The following ACBD6 variants were observed in gnomAD, a reference collection of about 807,000 sequenced individuals.
ACBD6 encodes the protein acyl-CoA-binding domain-containing protein 6.
ACBD6 carries 28 observed loss-of-function variants against 37.2 expected under a neutral mutation model. The observed-to-expected ratio is 0.75, with a 90% CI of 0.56 to 1.03. The LOEUF (loss-of-function observed/expected upper bound fraction) is 1.03, where lower values mean the gene tolerates loss of function less well. ACBD6 is among the 50% of genes least tolerant of loss of function. ACBD6 has a pLI of 0.00. For synonymous variants in ACBD6, 113 were observed against 126.8 expected (o/e 0.89, Z 0.73); for missense variants, 340 against 337.4 (o/e 1.01, Z -0.06).
In ACBD6 at chr1:180,362,157, G is replaced by C. The variant is rs970093425; in HGVS notation, c.663+35359C>G. On this transcript the variant is annotated intron_variant, in intron 6 of 7. Coordinates refer to ENST00000367595, the MANE Select transcript of ACBD6 (RefSeq NM_032360.4). ...CCAAATGAAGAGAAAGAGAGGGAGAGAGGGACAAAAGAAACTGTGCTAAGG... is the reference window on the plus strand; with the variant it reads ...CCAAATGAAGAGAAAGAGAGGGAGACAGGGACAAAAGAAACTGTGCTAAGG... 2.6e-5 allele frequency among the ~76,000 whole-genome samples: 4 copies of C among 152,212 alleles called. No homozygotes were observed. The East Asian group carries it at 7.7e-4, about 29-fold the overall frequency.
intron 3 of ACBD6, among the ~76,000 whole-genome samples, chr1:180,452,781 A>C (rs1649764302): frequency 6.6e-6 from 1 of 152,222 alleles, no homozygotes; most frequent in South Asian, 2.1e-4. Flanking sequence ...GAATACTATA[A>C]ACACCTCTAC....
At chr1:180,325,637 G>A (rs535959536) in intron 6 of ACBD6, among the ~76,000 whole-genome samples, 2 of 152,220 alleles carry the variant, frequency 1.3e-5, no homozygotes, top group Admixed American at 6.5e-5. Context: ...AGTCATTGGC[G>A]TTTAAACATT....
chr1:180,334,265 C>A (rs574625055), intron 6 of ACBD6, among the ~76,000 whole-genome samples: 3 of 152,192 alleles, frequency 2.0e-5, no homozygotes, highest in Admixed American at 6.5e-5. Flanking sequence ...AGGCACCCCC[C>A]AGCAGGGGCA....
intron 7 of ACBD6, among the ~76,000 whole-genome samples, chr1:180,297,151 T>G (rs1290610962): frequency 6.6e-6 from 1 of 152,188 alleles, no homozygotes; most frequent in East Asian, 1.9e-4. Flanking sequence ...TAAAGTAGTT[T>G]CTCTGGTTCC....
chr1:180,414,883 A>C (rs1558289636), intron 4 of ACBD6, among the ~76,000 whole-genome samples: 1 of 152,226 alleles, frequency 6.6e-6, no homozygotes, highest in Non-Finnish European at 1.5e-5. Flanking sequence ...GTCAAACCCC[A>C]GAAAAGAGAA....
intron 4 of ACBD6, among the ~76,000 whole-genome samples, chr1:180,420,177 T>C (rs1012865898): frequency 2.0e-5 from 3 of 152,202 alleles, no homozygotes; most frequent in Non-Finnish European, 4.4e-5. Flanking sequence ...TCCTCTAGTG[T>C]GGTGTCTATT....
At chr1:180,497,051 TAG>T (rs1285092951) in intron 1 of ACBD6, among the ~76,000 whole-genome samples, 1 of 152,216 alleles carries the variant, frequency 6.6e-6, no homozygotes, top group African/African-American at 2.4e-5. Context: ...AAATGCTAAA[TAG>T]AGTCTGGGCT....
chr1:180,273,717 T>C (rs1648832022), intron 11 of ACBD6: 1 of 194,376 alleles, frequency 5.1e-6, no homozygotes, highest in South Asian at 9.9e-5. Context: ...TACAGATGTC[T>C]AAGAGTGGTC....
chr1:180,386,278 T>C (rs997612837), intron 6 of ACBD6, among the ~76,000 whole-genome samples: 1 of 152,244 alleles, frequency 6.6e-6, no homozygotes, highest in African/African-American at 2.4e-5. Flanking sequence ...TTTATCAGGA[T>C]GTAAGCCCAT....
chr1:180,360,733 T>C (rs1652816342), intron 6 of ACBD6, among the ~76,000 whole-genome samples: 1 of 152,168 alleles, frequency 6.6e-6, no homozygotes, highest in African/African-American at 2.4e-5. Flanking sequence ...AATATTATCT[T>C]ATTCCTTAAT....
intron 3 of ACBD6, among the ~76,000 whole-genome samples, chr1:180,448,876 T>C (rs1303372768): frequency 1.3e-5 from 2 of 152,216 alleles, no homozygotes; most frequent in Admixed American, 6.5e-5. Context: ...TTTGTCCCTA[T>C]TTTCTCTAAT....
chr1:180,455,020 G>T (rs1347839396), intron 3 of ACBD6, among the ~76,000 whole-genome samples: 1 of 152,142 alleles, frequency 6.6e-6, no homozygotes, highest in East Asian at 1.9e-4. Flanking sequence ...CCATTACTGG[G>T]TATATACCCA....
chr1:180,413,974 C>A (rs1647971696), intron 4 of ACBD6, among the ~76,000 whole-genome samples: 1 of 152,098 alleles, frequency 6.6e-6, no homozygotes, highest in Non-Finnish European at 1.5e-5. Flanking sequence ...CTACATTTAT[C>A]AAAGGTGGAA....
intron 6 of ACBD6, among the ~76,000 whole-genome samples, chr1:180,340,993 G>A (rs1651966129): frequency 6.6e-6 from 1 of 152,106 alleles, no homozygotes; most frequent in Admixed American, 6.6e-5. Context: ...GAAATGTAGT[G>A]TCACTGCTGA....
intron 7 of ACBD6, among the ~76,000 whole-genome samples, chr1:180,313,177 C>A (rs1468459946): frequency 1.3e-5 from 2 of 152,104 alleles, no homozygotes; most frequent in Non-Finnish European, 2.9e-5. Context: ...ATTTCATTTG[C>A]TAATATTTTA....
chr1:180,362,904 A>T (rs1395905217), intron 6 of ACBD6, among the ~76,000 whole-genome samples: 1 of 152,234 alleles, frequency 6.6e-6, no homozygotes, highest in Non-Finnish European at 1.5e-5. Context: ...GTTGGCATAG[A>T]ACCTATGCTA....
chr1:180,347,878 T>A (rs1558260406), intron 6 of ACBD6, among the ~76,000 whole-genome samples: 2 of 151,482 alleles, frequency 1.3e-5, no homozygotes, highest in Admixed American at 1.3e-4. Context: ...GGCAGGAGAA[T>A]GGCGTGAACC....
intron 3 of ACBD6, chr1:180,435,839 ACCC>A: frequency 8.8e-7 from 1 of 1,135,144 alleles, no homozygotes; most frequent in Non-Finnish European, 1.3e-6. Context: ...ATACACTCAG[ACCC>A]TAAAACCAGG....
chr1:180,469,576 G>A (rs72716615), intron 3 of ACBD6, among the ~76,000 whole-genome samples: 24,013 of 152,092 alleles, frequency 0.16, 1,955 homozygotes, highest in Middle Eastern at 0.22. Flanking sequence ...TATAGATGAA[G>A]AAAATAATTT....
Sources: gnomAD v4.1 joint callset for allele counts (sites outside exome capture counted in the v4.1 genomes callset) on GRCh38, gnomAD v4.1.1 for gene constraint, MANE v1.5 for transcripts, NCBI Gene and HGNC (gene_info 2026-07-23, HGNC 2026-07-21) for gene names.